Variants in TULP4 observed in about 807,000 individuals in gnomAD.
TULP4 encodes tubby-related protein 4.
A neutral mutation model predicts 129.0 loss-of-function variants in TULP4; 16 were observed. That is an observed-to-expected ratio of 0.12 (90% CI 0.08 to 0.19). The LOEUF (loss-of-function observed/expected upper bound fraction) is 0.19. TULP4 is among the 10% of genes least tolerant of loss of function. The pLI, the probability that TULP4 is intolerant of heterozygous loss-of-function variation, is 1.00. For synonymous variants in TULP4, 998 were observed against 854.0 expected (o/e 1.17, Z -2.94); for missense variants, 1,842 against 2,059.1 (o/e 0.89, Z 2.04).
At chr6:158,382,762 G>A (rs558998466) in intron 1 of TULP4, among the ~76,000 whole-genome samples, 1 of 152,292 alleles carries the variant, frequency 6.6e-6, no homozygotes, top group South Asian at 2.1e-4. Context: ...TGGAGAAATG[G>A]TAATTTCCTG....
intron 9 of TULP4, among the ~76,000 whole-genome samples, chr6:158,490,342 C>T (rs1426956844): frequency 2.0e-5 from 3 of 152,120 alleles, no homozygotes; most frequent in Non-Finnish European, 4.4e-5. Context: ...GTTGCAGAGC[C>T]GAGATTGTGC....
chr6:158,232,886 G>A (rs1777624243), intron 1 of TULP4, among the ~76,000 whole-genome samples: 1 of 152,230 alleles, frequency 6.6e-6, no homozygotes, highest in African/African-American at 2.4e-5. Flanking sequence ...CACCTGTCGT[G>A]GCAGCTGCAT....
chr6:158,414,872 A>G (rs1778173739), intron 2 of TULP4, among the ~76,000 whole-genome samples: 1 of 152,170 alleles, frequency 6.6e-6, no homozygotes. Flanking sequence ...CTGTTCCAAA[A>G]ATATCATTAT....
intron 6 of TULP4, among the ~76,000 whole-genome samples, chr6:158,476,936 A>G (rs1053088746): frequency 6.6e-6 from 1 of 152,164 alleles, no homozygotes; most frequent in African/African-American, 2.4e-5. Context: ...CTCTTCCACC[A>G]TTTATTACTA....
chr6:158,467,516 C>T (rs905357389), intron 6 of TULP4, among the ~76,000 whole-genome samples: 2 of 151,916 alleles, frequency 1.3e-5, no homozygotes, highest in East Asian at 3.9e-4. Flanking sequence ...CTCCTGACCT[C>T]GTGATCCACC....
intron 6 of TULP4, among the ~76,000 whole-genome samples, chr6:158,464,245 C>G (rs1779505476): frequency 6.6e-6 from 1 of 152,200 alleles, no homozygotes; most frequent in African/African-American, 2.4e-5. Flanking sequence ...ACAGAAGTTA[C>G]AGACAAAGAC....
At chr6:158,402,185 C>G (rs1401425555) in intron 1 of TULP4, among the ~76,000 whole-genome samples, 1 of 152,224 alleles carries the variant, frequency 6.6e-6, no homozygotes, top group African/African-American at 2.4e-5. Flanking sequence ...CCTAGCTCTT[C>G]CTTTACTCAC....
At chr6:158,244,112 G>A (rs974209926) in intron 1 of TULP4, among the ~76,000 whole-genome samples, 4 of 152,108 alleles carry the variant, frequency 2.6e-5, no homozygotes, top group African/African-American at 7.2e-5. Flanking sequence ...TGCAGTTACT[G>A]TCCTTTCGAT....
chr6:158,261,375 C>T (rs4710166), intron 1 of TULP4, among the ~76,000 whole-genome samples: 1 of 151,990 alleles, frequency 6.6e-6, no homozygotes, highest in African/African-American at 2.4e-5. Context: ...GAAGCATAAG[C>T]GCTACAAGTA....
Position 158,246,020 on chromosome 6 carries a change from A to G in TULP4, n.68+13717A>G, listed in dbSNP as rs1312428519. ...ACCGTGAGTAATTTGCCTACCCCTT[A>G]GGGGTGTGTGTGTGTGTGTGTGTGT... On this transcript the variant is annotated intron_variant and non_coding_transcript_variant, in intron 1 of 1. Coordinates refer to the TULP4 transcript ENST00000620026. Among the ~76,000 whole-genome samples, 11 of 103,002 alleles carry G rather than the reference A, an allele frequency of 1.1e-4. 1 individual carries two copies. Among genetic ancestry groups the G allele is most frequent in the Admixed American group, 9.0e-4 (8 of 8,934 alleles). The allele number at this position is 103,002 out of a possible 152,430, so 67.6% of individuals were successfully genotyped here.
chr6:158,383,678 G>T (rs1289309686), intron 1 of TULP4, among the ~76,000 whole-genome samples: 1 of 152,220 alleles, frequency 6.6e-6, no homozygotes, highest in Non-Finnish European at 1.5e-5. Flanking sequence ...AGCGAGTCAG[G>T]CCATTCTCAG....
At chr6:158,438,313 T>C (rs1258441562) in intron 3 of TULP4, among the ~76,000 whole-genome samples, 2 of 152,154 alleles carry the variant, frequency 1.3e-5, no homozygotes, top group South Asian at 2.1e-4. Flanking sequence ...AAACGTGGCA[T>C]TTCCTTCCAT....
rs780068424 is a variant in TULP4 at position 158,494,773 on chromosome 6, C to T, written c.1797C>T (p.Val599=). Reference sequence around the variant, plus strand: ...CGCAGCACAACTATCTTGCTCAGGTCACGTCTAATATCTGGGGAACCAAAT... The same window carrying T: ...CGCAGCACAACTATCTTGCTCAGGTTACGTCTAATATCTGGGGAACCAAAT... ...DITQHNYLAQ[V]TSNIWGTKFK... Residue 599 remains valine, a synonymous_variant, in exon 11 of 14, where the codon GTC becomes GTT. Transcript: ENST00000367097. The T allele has an allele frequency of 6.2e-7, 1 of 1,613,984 alleles. No homozygotes were observed. The highest frequency in any genetic ancestry group is 1.1e-5 in the South Asian group (1 of 91,048).
chr6:158,450,034 C>T (rs1005191382), intron 4 of TULP4, among the ~76,000 whole-genome samples: 12 of 152,190 alleles, frequency 7.9e-5, no homozygotes, highest in Non-Finnish European at 1.3e-4. Context: ...TCAATATCCT[C>T]GTTCTAGGTA....
intron 1 of TULP4, among the ~76,000 whole-genome samples, chr6:158,321,949 G>C (rs555847008): frequency 1.3e-5 from 2 of 152,102 alleles, no homozygotes; most frequent in Non-Finnish European, 2.9e-5. Context: ...CTCCCTTGCA[G>C]TTGAAAGACC....
Position 158,326,354 on chromosome 6 carries a change from C to T in TULP4, c.252+12086C>T, listed in dbSNP as rs148115008. ...TTGTTTTTGTTTTTTTCCTGAACAC[C>T]TCCATCTGAGAGTCCTTTGTCATCC... On this transcript the variant is annotated intron_variant, in intron 1 of 13. Transcript: ENST00000367097. Among the ~76,000 whole-genome samples the T allele has an allele frequency of 8.5e-4, 129 of 152,222 alleles. 1 individual carries two copies. Among genetic ancestry groups the T allele is most frequent in the Non-Finnish European group, 1.9e-4 (13 of 68,010 alleles).
intron 3 of TULP4, among the ~76,000 whole-genome samples, chr6:158,445,784 A>G (rs1356884592): frequency 6.6e-6 from 1 of 152,180 alleles, no homozygotes; most frequent in Non-Finnish European, 1.5e-5. Flanking sequence ...CATCTTAGAC[A>G]TGTTGACACT....
intron 1 of TULP4, among the ~76,000 whole-genome samples, chr6:158,366,204 T>A (rs1780959918): frequency 6.6e-6 from 1 of 152,166 alleles, no homozygotes; most frequent in Non-Finnish European, 1.5e-5. Flanking sequence ...CGCCTGGCCG[T>A]CAGTCTTTCT....
chr6:158,249,200 T>C (rs1778091444), intron 1 of TULP4, among the ~76,000 whole-genome samples: 1 of 152,162 alleles, frequency 6.6e-6, no homozygotes, highest in Admixed American at 6.5e-5. Context: ...TTTGAGCCTT[T>C]ACCATTTTTA....
Sources: gnomAD v4.1 joint callset for allele counts (sites outside exome capture counted in the v4.1 genomes callset) on GRCh38, gnomAD v4.1.1 for gene constraint, MANE v1.5 for transcripts, NCBI Gene and HGNC (gene_info 2026-07-23, HGNC 2026-07-21) for gene names.